The following NINL variants were observed in gnomAD, a reference collection of about 807,000 sequenced individuals.
The protein encoded by NINL is ninein-like protein.
A neutral mutation model predicts 160.3 loss-of-function variants in NINL; 153 were observed. The observed-to-expected ratio is 0.95, with a 90% CI of 0.84 to 1.09. The LOEUF (loss-of-function observed/expected upper bound fraction) is 1.09, where lower values mean the gene tolerates loss of function less well. Among genes scored for constraint, NINL ranks in the 50% least tolerant of loss-of-function variants. NINL has a pLI of 0.00. For synonymous variants in NINL, 800 were observed against 734.8 expected (o/e 1.09, Z -1.43); for missense variants, 1,829 against 1,764.0 (o/e 1.04, Z -0.66).
intron 19 of NINL, 139 bp downstream of exon 19, chr20:25,467,250 C>G (rs2062936663): frequency 1.3e-6 from 1 of 754,396 alleles, no homozygotes; most frequent in Non-Finnish European, 2.3e-6. Context: ...TTTGATGGGG[C>G]CTGGGGGCCA....
At chr20:25,527,147 T>A (rs1046867887) in intron 1 of NINL, among the ~76,000 whole-genome samples, 3 of 151,932 alleles carry the variant, frequency 2.0e-5, no homozygotes, top group African/African-American at 7.3e-5. Flanking sequence ...TTGACCAGCA[T>A]ACAATCTGAT....
chr20:25,486,509 C>T (rs2063506428), intron 13 of NINL, among the ~76,000 whole-genome samples: 1 of 152,244 alleles, frequency 6.6e-6, no homozygotes, highest in Non-Finnish European at 1.5e-5. Context: ...CAGCAGCCCA[C>T]ATGCAGCTGC....
In NINL at chr20:25,478,967, C is replaced by G; in HGVS notation, c.2157G>C (p.Leu719=). Residue 719 remains leucine, a synonymous_variant, in exon 16 of 24, where the codon CTG becomes CTC. Transcript: ENST00000278886. The stretch of plus-strand genomic sequence containing the variant: ...TGTGATGCCGCAGGGCCAGGCCACA[C>G]AGTGCCTGGGTGCAGCAGGGTGCCA... The part of the protein sequence containing the change: ...MGLAPCCTQA[L]CGLALRHHSH... The G allele has an allele frequency of 6.3e-7, 1 of 1,589,488 alleles. No individual in the cohort carries two copies.
intron 5 of NINL, among the ~76,000 whole-genome samples, chr20:25,509,992 G>A (rs1158229419): frequency 6.6e-6 from 1 of 152,246 alleles, no homozygotes; most frequent in Non-Finnish European, 1.5e-5. Context: ...GAAATGCGGT[G>A]AGGGAGCTGA....
At chr20:25,508,800 G>A (rs966993805) in intron 5 of NINL, among the ~76,000 whole-genome samples, 1 of 152,184 alleles carries the variant, frequency 6.6e-6, no homozygotes, top group African/African-American at 2.4e-5. Flanking sequence ...GGCCATGGCA[G>A]CATCCTGCAC....
rs200797948 is a variant in NINL, at chr20:25,470,033, C to T, written c.3311G>A (p.Arg1104Gln). ...TLLKNDLGRVRQELEAAESTH... is the reference protein window; with the variant it reads ...TLLKNDLGRVQQELEAAESTH... ...ACTTTCTGCAGCTTCAAGCTCTTGC[C>T]GAACCCTTCCCAGATCGTTTTTCAA... Residue 1104 changes from arginine to glutamine, a missense_variant, in exon 18 of 24, where the codon CGG becomes CAG. Coordinates refer to ENST00000278886, the MANE Select transcript of NINL (RefSeq NM_025176.6). The T allele has an allele frequency of 3.9e-5, 63 of 1,614,168 alleles. No homozygotes were observed. In the East Asian group the frequency reaches 5.3e-4, roughly 14 times the overall value.
At chr20:25,489,768 T>A in intron 12 of NINL, 107 bp downstream of exon 12, 1 of 823,132 alleles carries the variant, frequency 1.2e-6, no homozygotes, top group Non-Finnish European at 2.1e-6. Flanking sequence ...TTTAGGAGAA[T>A]ACCGCATTCT....
intron 14 of NINL, among the ~76,000 whole-genome samples, chr20:25,481,628 T>C (rs968014177): frequency 6.6e-6 from 1 of 152,236 alleles, no homozygotes; most frequent in Admixed American, 6.5e-5. Flanking sequence ...GCCTGAGTAC[T>C]GGGAGGCCCC....
At position 25,458,459 on chromosome 20, in the gene NINL, T is replaced by TG; in HGVS notation, c.3766dup (p.Gln1256ProfsTer30). On this transcript the variant is annotated frameshift_variant, in exon 22 of 24. Coordinates refer to ENST00000278886, the MANE Select transcript of NINL (RefSeq NM_025176.6). LOFTEE classifies it high-confidence loss of function. ...GCGATGCAGCTCGGCCACACGGTCC[T>TG]GGGGCACCAGCCGGACCTCCTGCAA... 6.2e-7 allele frequency: 1 copy of TG among 1,604,914 alleles called. No individual in the cohort carries two copies. Among genetic ancestry groups the TG allele is most frequent in the South Asian group, 1.1e-5 (1 of 91,004 alleles).
chr20:25,486,551 C>A (rs780752044), intron 13 of NINL, among the ~76,000 whole-genome samples: 2 of 152,164 alleles, frequency 1.3e-5, no homozygotes, highest in African/African-American at 4.8e-5. Context: ...GGACCCCATC[C>A]GCATGGCAGG....
chr20:25,562,653 A>G (rs2064957823), intron 1 of NINL, among the ~76,000 whole-genome samples: 1 of 147,662 alleles, frequency 6.8e-6, no homozygotes, highest in South Asian at 2.2e-4. Context: ...GGACACACAC[A>G]CTCTGCCTAG....
chr20:25,476,067 T>C lies in NINL; in HGVS notation c.3224A>G (p.His1075Arg), dbSNP rs770858371. The change falls in exon 17 of 24, where the codon CAT becomes CGT. Residue 1075 changes from histidine to arginine, a missense_variant. Coordinates refer to ENST00000278886, the MANE Select transcript of NINL (RefSeq NM_025176.6). ...LEDVVRALEKHVDLRENDRLE... is the reference protein window; with the variant it reads ...LEDVVRALEKRVDLRENDRLE... ...CCTGTCGTTCTCTCTCAAATCTACA[T>C]GTTTCTCCAGAGCCCGGACGACGTC... 5 of 1,613,522 alleles carry C rather than the reference T, an allele frequency of 3.1e-6. No individual in the cohort carries two copies. Among genetic ancestry groups the C allele is most frequent in the Non-Finnish European group, 3.4e-6 (4 of 1,179,534 alleles).
chr20:25,564,731 G>A (rs759219576), intron 1 of NINL, among the ~76,000 whole-genome samples: 1 of 151,864 alleles, frequency 6.6e-6, no homozygotes, highest in Non-Finnish European at 1.5e-5. Context: ...GGGATTACAG[G>A]TGTGAGCCAT....
At chr20:25,469,860 G>C in intron 18 of NINL, 131 bp downstream of exon 18, 1 of 671,118 alleles carries the variant, frequency 1.5e-6, no homozygotes, top group Non-Finnish European at 2.6e-6. Flanking sequence ...CAAGGCTCAT[G>C]GTTTAGGGTT....
chr20:25,500,181 T>C (rs2063840109), intron 8 of NINL, among the ~76,000 whole-genome samples: 1 of 152,266 alleles, frequency 6.6e-6, no homozygotes, highest in Non-Finnish European at 1.5e-5. Context: ...TGCACACCTC[T>C]GCCCCTGCAC....
chr20:25,472,568 C>T (rs1285163521), intron 17 of NINL, among the ~76,000 whole-genome samples: 2 of 149,922 alleles, frequency 1.3e-5, no homozygotes, highest in Non-Finnish European at 3.0e-5. Context: ...TTTGCTCTGC[C>T]GCCCAGGCTG....
At chr20:25,560,091 A>T (rs908987881) in intron 1 of NINL, among the ~76,000 whole-genome samples, 2 of 152,128 alleles carry the variant, frequency 1.3e-5, no homozygotes, top group African/African-American at 4.8e-5. Flanking sequence ...GACTACAGCC[A>T]TGTGTCACAA....
Position 25,561,337 on chromosome 20 carries a change from T to C in NINL, c.-12+24118A>G, listed in dbSNP as rs540336732. Among the ~76,000 whole-genome samples, 994 of 152,294 alleles carry C rather than the reference T, an allele frequency of 6.5e-3. 16 individuals are homozygous for C. Among genetic ancestry groups the C allele is most frequent in the African/African-American group, 0.023 (952 of 41,560 alleles). On this transcript the variant is annotated intron_variant, in intron 1 of 23. Transcript: ENST00000278886. ...TGCAGACGGAGTCTCGTTAACTCAG[T>C]GCTCAATGGTGCCCAGGCTGGAGTG...
intron 1 of NINL, among the ~76,000 whole-genome samples, chr20:25,557,771 T>G (rs1281404862): frequency 6.6e-6 from 1 of 152,130 alleles, no homozygotes; most frequent in Non-Finnish European, 1.5e-5. Context: ...TAAAAAGAAT[T>G]ATCTAGATGT....
Sources: gnomAD v4.1 joint callset for allele counts (sites outside exome capture counted in the v4.1 genomes callset) on GRCh38, gnomAD v4.1.1 for gene constraint, MANE v1.5 for transcripts, NCBI Gene and HGNC (gene_info 2026-07-23, HGNC 2026-07-21) for gene names.